BNC2: variants seen among roughly 807,000 people sequenced by gnomAD.
BNC2 encodes zinc finger protein basonuclin-2.
Under a neutral mutation model 76.3 loss-of-function variants are expected in BNC2, and 20 were observed. The ratio of observed to expected loss-of-function variants is 0.26; its 90% CI spans 0.18 to 0.38. The LOEUF is 0.38. BNC2 is among the 10% of genes least tolerant of loss of function. BNC2 has a pLI of 1.00. For synonymous variants in BNC2, 582 were observed against 514.8 expected, an observed-to-expected ratio of 1.13 and a Z score of -1.77; for missense variants, 1,382 against 1,399.8, an observed-to-expected ratio of 0.99 and a Z score of 0.20.
intron 1 of BNC2, among the ~76,000 whole-genome samples, chr9:16,742,953 G>C (rs900718104): frequency 1.3e-5 from 2 of 152,154 alleles, no homozygotes; most frequent in Non-Finnish European, 2.9e-5. Context: ...AAACATCTCA[G>C]CTCTCTCAAG....
chr9:16,458,482 C>G (rs534836244), intron 5 of BNC2, among the ~76,000 whole-genome samples: 1 of 152,302 alleles, frequency 6.6e-6, no homozygotes, highest in South Asian at 2.1e-4. Context: ...TTGTCTGAAA[C>G]TGGGTTGTCA....
intron 3 of BNC2, among the ~76,000 whole-genome samples, chr9:16,685,004 T>C (rs981631597): frequency 1.3e-5 from 2 of 152,200 alleles, no homozygotes; most frequent in Non-Finnish European, 2.9e-5. Context: ...CCTGCTTTTC[T>C]TATAAAGCAC....
intron 3 of BNC2, among the ~76,000 whole-genome samples, chr9:16,674,055 C>T (rs1018350050): frequency 6.6e-6 from 1 of 152,186 alleles, no homozygotes; most frequent in Non-Finnish European, 1.5e-5. Context: ...TCTGAACCTG[C>T]CTTTTCGGAC....
At chr9:16,713,162 CTTT>C (rs372420719) in intron 3 of BNC2, among the ~76,000 whole-genome samples, 1 of 151,962 alleles carries the variant, frequency 6.6e-6, no homozygotes, top group Non-Finnish European at 1.5e-5. Flanking sequence ...CCCAGCTACA[CTTT>C]TTTTTAAGGA....
At chr9:16,527,384 C>G (rs753806873) in intron 5 of BNC2, among the ~76,000 whole-genome samples, 2 of 152,112 alleles carry the variant, frequency 1.3e-5, no homozygotes, top group Non-Finnish European at 2.9e-5. Context: ...TCCCCCAGAC[C>G]CCTGTCTACC....
intron 6 of BNC2, chr9:16,430,138 A>G (rs114056536): frequency 8.6e-5 from 36 of 421,044 alleles, no homozygotes; most frequent in African/African-American, 6.9e-4. Context: ...GTAATGGAAG[A>G]TAAGTACAAA....
intron 1 of BNC2, among the ~76,000 whole-genome samples, chr9:16,767,020 C>T (rs1825713497): frequency 3.3e-5 from 5 of 152,230 alleles, no homozygotes; most frequent in Admixed American, 3.3e-4. Flanking sequence ...AGGGTTTTGA[C>T]ATGCCAATCA....
rs952077972 is a variant in BNC2 at position 16,416,967 on chromosome 9, T to A, written c.*2022A>T. On this transcript the variant is annotated 3_prime_UTR_variant, in exon 7 of 7. Transcript: ENST00000380672. ...CATAGAAAAAATAATTACAAAAACA[T>A]GAAAAATGGAAACGACATAAAAGTT... 4.6e-5 allele frequency: 7 copies of A among 152,378 alleles called. No homozygotes were observed. Among genetic ancestry groups the A allele is most frequent in the Non-Finnish European group, 1.0e-4 (7 of 67,980 alleles). The allele number at this position is 152,378 out of a possible 1,614,324, so 9.4% of individuals were successfully genotyped here. A position where few individuals can be genotyped will look rare whatever the true frequency, so the allele number is the denominator to read the frequency against.
chr9:16,535,209 G>C (rs1445755160), intron 5 of BNC2, among the ~76,000 whole-genome samples: 2 of 152,170 alleles, frequency 1.3e-5, no homozygotes, highest in South Asian at 2.1e-4. Flanking sequence ...TAAAAGATGG[G>C]AGAAAACACT....
rs1005003302 is a variant in BNC2, at chr9:16,831,770, G to T, written c.3+38876C>A. 5.9e-5 allele frequency among the ~76,000 whole-genome samples: 9 copies of T among 152,294 alleles called. No homozygotes were observed. In the South Asian group the frequency reaches 6.2e-4, roughly 11 times the overall value. ...ACTCAATCAAGTGCTCCTGGGTTAT[G>T]GTTCCTCAAGCCACCAACTTTTCTT... On this transcript the variant is annotated intron_variant, in intron 1 of 6. Coordinates refer to ENST00000380672, the MANE Select transcript of BNC2 (RefSeq NM_017637.6).
intron 3 of BNC2, among the ~76,000 whole-genome samples, chr9:16,698,534 T>A (rs1456420207): frequency 6.6e-6 from 1 of 151,804 alleles, no homozygotes; most frequent in African/African-American, 2.4e-5. Flanking sequence ...CTACTAAAAG[T>A]ACAAAAAAAT....
chr9:16,866,663 TAAAAAAA>T (rs55953726), intron 1 of BNC2, among the ~76,000 whole-genome samples: 3 of 96,814 alleles, frequency 3.1e-5, no homozygotes, highest in Admixed American at 1.0e-4. Flanking sequence ...CTGTCACTTT[TAAAAAAA>T]AAAAAAAAAA....
In BNC2 at chr9:16,503,545, C is replaced by A. The variant is rs148559040; in HGVS notation, c.669+48985G>T. ...CAGTCAACATCAGGAAATACAGTCA[C>A]TCGTTGAGAACTAGGTCTCTAATCA... On this transcript the variant is annotated intron_variant, in intron 5 of 6. Coordinates refer to ENST00000380672, the MANE Select transcript of BNC2 (RefSeq NM_017637.6). Among the ~76,000 whole-genome samples, 1,212 of 152,128 alleles carry A rather than the reference C, an allele frequency of 8.0e-3. 15 individuals are homozygous for A. Among genetic ancestry groups the A allele is most frequent in the African/African-American group, 0.028 (1,143 of 41,484 alleles).
intron 1 of BNC2, among the ~76,000 whole-genome samples, chr9:16,865,621 C>G (rs1819525227): frequency 4.6e-5 from 7 of 151,886 alleles, no homozygotes; most frequent in Admixed American, 3.9e-4. Context: ...TAAATTATAA[C>G]AGCAAAACAA....
intron 5 of BNC2, among the ~76,000 whole-genome samples, chr9:16,458,651 T>C (rs1213458985): frequency 2.6e-5 from 4 of 152,236 alleles, no homozygotes; most frequent in South Asian, 2.1e-4. Flanking sequence ...TACAGCCCTA[T>C]GGCAAGAACA....
chr9:16,525,035 T>G (rs1817751308), intron 5 of BNC2, among the ~76,000 whole-genome samples: 1 of 140,554 alleles, frequency 7.1e-6, no homozygotes. Flanking sequence ...ATAGCGCCAC[T>G]GCACTCCAGC....
At chr9:16,818,317 T>G (rs756490578) in intron 1 of BNC2, among the ~76,000 whole-genome samples, 1 of 151,988 alleles carries the variant, frequency 6.6e-6, no homozygotes, top group Admixed American at 6.6e-5. Context: ...GGCAGGAGAA[T>G]GGCGTGAACC....
At chr9:16,508,693 A>G (rs1210899718) in intron 5 of BNC2, among the ~76,000 whole-genome samples, 2 of 152,124 alleles carry the variant, frequency 1.3e-5, no homozygotes, top group African/African-American at 4.8e-5. Context: ...ATTTTCATAC[A>G]CTATGCTAGC....
intron 5 of BNC2, among the ~76,000 whole-genome samples, chr9:16,495,835 T>C (rs1330373420): frequency 6.6e-6 from 1 of 152,152 alleles, no homozygotes; most frequent in East Asian, 1.9e-4. Context: ...CTGAGACTCT[T>C]AGGAGTGTTA....
Sources: gnomAD v4.1 joint callset for allele counts (sites outside exome capture counted in the v4.1 genomes callset) on GRCh38, gnomAD v4.1.1 for gene constraint, MANE v1.5 for transcripts, NCBI Gene and HGNC (gene_info 2026-07-23, HGNC 2026-07-21) for gene names.